Variants in ATF7IP observed in about 807,000 individuals in gnomAD.
The protein encoded by ATF7IP is activating transcription factor 7-interacting protein 1.
ATF7IP carries 23 observed loss-of-function variants against 106.4 expected under a neutral mutation model. The observed-to-expected ratio is 0.22, with a 90% CI of 0.16 to 0.31. The LOEUF (loss-of-function observed/expected upper bound fraction) is 0.31, where lower values mean the gene tolerates loss of function less well. Among genes scored for constraint, ATF7IP ranks in the 10% least tolerant of loss-of-function variants. The pLI is 1.00. For missense variants in ATF7IP, 1,334 were observed against 1,524.3 expected (o/e 0.88, Z 2.08); for synonymous variants, 542 against 539.0 (o/e 1.01, Z -0.08).
chr12:14,368,270 A>G (rs1211171238), intron 1 of ATF7IP, among the ~76,000 whole-genome samples: 1 of 152,030 alleles, frequency 6.6e-6, no homozygotes, highest in South Asian at 2.1e-4. Flanking sequence ...TTTCATTGGT[A>G]CCATAATTTC....
intron 6 of ATF7IP, among the ~76,000 whole-genome samples, chr12:14,452,996 G>T (rs368734841): frequency 4.6e-5 from 7 of 152,168 alleles, no homozygotes; most frequent in African/African-American, 1.7e-4. Flanking sequence ...TGATTGGCAG[G>T]TCTTTGATTC....
At chr12:14,473,848 C>T (rs533514301) in intron 10 of ATF7IP, among the ~76,000 whole-genome samples, 1 of 150,920 alleles carries the variant, frequency 6.6e-6, no homozygotes, top group East Asian at 1.9e-4. Context: ...ATATGTTGTT[C>T]CAGTGTCTTC....
chr12:14,373,670 T>G (rs899110111), intron 1 of ATF7IP, among the ~76,000 whole-genome samples: 3 of 152,194 alleles, frequency 2.0e-5, no homozygotes, highest in African/African-American at 7.2e-5. Context: ...TATAAGGAAT[T>G]GGGAGAAGTG....
At chr12:14,385,331 C>T (rs1939170237) in intron 1 of ATF7IP, 1 of 1,503,442 alleles carries the variant, frequency 6.7e-7, no homozygotes, top group Non-Finnish European at 8.9e-7. Context: ...GGCTGCTAAC[C>T]TAGTCTTTGT....
chr12:14,480,892 TTC>T (rs1346329990), intron 12 of ATF7IP, 109 bp from the exon 13 acceptor site: 14 of 915,486 alleles, frequency 1.5e-5, no homozygotes, highest in Non-Finnish European at 2.0e-5. Flanking sequence ...TTATTTCTGT[TTC>T]TGTCTTTATT....
At chr12:14,429,026 A>G (rs1399708954) in intron 2 of ATF7IP, among the ~76,000 whole-genome samples, 2 of 152,218 alleles carry the variant, frequency 1.3e-5, no homozygotes, top group Non-Finnish European at 2.9e-5. Flanking sequence ...CTTCATCGCC[A>G]TACCATATAC....
intron 12 of ATF7IP, 104 bp downstream of exon 12, chr12:14,478,576 G>A (rs572450331): frequency 2.2e-6 from 3 of 1,354,084 alleles, no homozygotes; most frequent in Non-Finnish European, 3.1e-6. Context: ...TATTCATCTT[G>A]TTAATTTGAG....
chr12:14,426,039 A>G (rs1009275402), intron 2 of ATF7IP, among the ~76,000 whole-genome samples: 1 of 151,974 alleles, frequency 6.6e-6, no homozygotes, highest in Non-Finnish European at 1.5e-5. Flanking sequence ...TACCCAACCT[A>G]TTCTCTTCCT....
chr12:14,395,838 G>T (rs1386787865), intron 1 of ATF7IP, among the ~76,000 whole-genome samples: 2 of 151,620 alleles, frequency 1.3e-5, no homozygotes, highest in Admixed American at 1.3e-4. Flanking sequence ...TTTTAATAAA[G>T]TGATTTTTAA....
chr12:14,471,769 T>G (rs2136771908), intron 10 of ATF7IP, among the ~76,000 whole-genome samples: 1 of 152,228 alleles, frequency 6.6e-6, no homozygotes, highest in South Asian at 2.1e-4. Flanking sequence ...CCCCCATGAT[T>G]CAGTTACCTC....
intron 2 of ATF7IP, among the ~76,000 whole-genome samples, chr12:14,428,128 T>G (rs1941951445): frequency 6.6e-6 from 1 of 151,816 alleles, no homozygotes; most frequent in Non-Finnish European, 1.5e-5. Flanking sequence ...AAAAAAGCCT[T>G]ATAAGTCCTT....
chr12:14,434,431 T>C lies in ATF7IP; in HGVS notation c.1645+8T>C, dbSNP rs769122316. On this transcript the variant is annotated splice_region_variant and intron_variant, in intron 3 of 14. Coordinates refer to ENST00000261168, the MANE Select transcript of ATF7IP (RefSeq NM_018179.5). ...AAAGACCTTCTGAGAAAAGTATGCA[T>C]GTATAAACAAACTTGAACTGGATTG... 35 of 1,423,944 alleles carry C rather than the reference T, an allele frequency of 2.5e-5. 1 individual carries two copies. In the South Asian group the frequency reaches 3.8e-4, roughly 15 times the overall value. The allele number at this position is 1,423,944 out of a possible 1,614,324, so 88.2% of individuals were successfully genotyped here.
At chr12:14,458,224 G>A (rs1167531758) in intron 8 of ATF7IP, among the ~76,000 whole-genome samples, 36 of 152,048 alleles carry the variant, frequency 2.4e-4, no homozygotes, top group Admixed American at 2.4e-3. Flanking sequence ...AGCACAAAGA[G>A]CATTATTCTC....
At position 14,424,302 on chromosome 12, in the gene ATF7IP, A is replaced by G. The variant is rs761336063; in HGVS notation, c.387A>G (p.Pro129=). 6.2e-7 allele frequency: 1 copy of G among 1,614,208 alleles called. No individual in the cohort carries two copies. Among genetic ancestry groups the G allele is most frequent in the Non-Finnish European group, 8.5e-7 (1 of 1,180,036 alleles). Residue 129 remains proline, a synonymous_variant, in exon 2 of 15, where the codon CCA becomes CCG. Coordinates refer to ENST00000261168, the MANE Select transcript of ATF7IP (RefSeq NM_018179.5). ...PEPVSKLPAE[P]VSGDPAPGDL... ...CAGTCTCTAAACTGCCTGCTGAACCAGTTTCTGGTGATCCAGCCCCTGGTG... is the reference window on the plus strand; with the variant it reads ...CAGTCTCTAAACTGCCTGCTGAACCGGTTTCTGGTGATCCAGCCCCTGGTG...
At chr12:14,434,873 G>A (rs114980287) in intron 3 of ATF7IP, among the ~76,000 whole-genome samples, 255 of 152,212 alleles carry the variant, frequency 1.7e-3, no homozygotes, top group African/African-American at 5.7e-3. Flanking sequence ...ATTGCTTGAG[G>A]CCAGTAATGC....
intron 10 of ATF7IP, among the ~76,000 whole-genome samples, chr12:14,473,441 G>C (rs966924321): frequency 6.6e-6 from 1 of 151,510 alleles, no homozygotes; most frequent in Non-Finnish European, 1.5e-5. Flanking sequence ...TAAATATGAC[G>C]TTCATGTTTT....
intron 1 of ATF7IP, among the ~76,000 whole-genome samples, chr12:14,415,466 GGGGAATTGTTGGTAACCTTGTCTA>G (rs1249610571): frequency 6.6e-6 from 1 of 152,164 alleles, no homozygotes; most frequent in Non-Finnish European, 1.5e-5. Flanking sequence ...TGCCTTGTCT[GGGGAATTGTTGGTAACCTTGTCTA>G]GGGAATTGTT....
chr12:14,386,078 C>G (rs1056027655), intron 1 of ATF7IP, among the ~76,000 whole-genome samples: 25 of 152,052 alleles, frequency 1.6e-4, no homozygotes, highest in Admixed American at 1.6e-3. Flanking sequence ...ATGGATACCT[C>G]TTTTTAAAAA....
chr12:14,497,274 A>T (rs555199132), intron 14 of ATF7IP, among the ~76,000 whole-genome samples: 3 of 152,376 alleles, frequency 2.0e-5, no homozygotes, highest in Admixed American at 6.5e-5. Context: ...CATGATATTT[A>T]AAAATGTTAC....
Sources: gnomAD v4.1 joint callset for allele counts (sites outside exome capture counted in the v4.1 genomes callset) on GRCh38, gnomAD v4.1.1 for gene constraint, MANE v1.5 for transcripts, NCBI Gene and HGNC (gene_info 2026-07-23, HGNC 2026-07-21) for gene names.